The following GDPD4 variants were observed in gnomAD, a reference collection of about 807,000 sequenced individuals.
The protein encoded by GDPD4 is glycerophosphodiester phosphodiesterase domain containing 4, also known as glycerophosphodiester phosphodiesterase 6.
A neutral mutation model predicts 67.8 loss-of-function variants in GDPD4; 60 were observed. The observed-to-expected ratio is 0.88, with a 90% CI of 0.72 to 1.10. GDPD4 has a LOEUF of 1.10. Ranked by LOEUF, GDPD4 falls within the 50% of genes least tolerant of loss-of-function variation. The pLI, the probability that GDPD4 is intolerant of heterozygous loss-of-function variation, is 0.00. For missense variants in GDPD4, 623 were observed against 613.9 expected (o/e 1.01, Z -0.16); for synonymous variants, 212 against 210.9 (o/e 1.00, Z -0.04).
intron 4 of GDPD4, among the ~76,000 whole-genome samples, chr11:77,278,965 T>C (rs1163852790): frequency 1.3e-5 from 2 of 152,182 alleles, no homozygotes; most frequent in South Asian, 2.1e-4. Flanking sequence ...TGAGTAAAGA[T>C]ACTGCTGCTG....
Position 77,271,337 on chromosome 11 carries a change from T to G in GDPD4, c.264A>C (p.Lys88Asn). The change falls in exon 6 of 17, where the codon AAA (lysine) becomes AAC (asparagine). Residue 88 changes from lysine (K) to asparagine (N), a missense_variant. Coordinates refer to ENST00000315938, the MANE Select transcript of GDPD4 (RefSeq NM_182833.3). ...LCVILMFIIC[K>N]FWKERWLVAG... ...CTACCAGCCACCTTTCTTTCCAGAA[T>G]TTGCATATAATGAACATTAAAATGA... 6.2e-7 allele frequency: 1 copy of G among 1,613,996 alleles called. No homozygotes were observed. Among genetic ancestry groups the G allele is most frequent in the Non-Finnish European group, 8.5e-7 (1 of 1,179,896 alleles).
intron 3 of GDPD4, among the ~76,000 whole-genome samples, chr11:77,281,074 T>C (rs149520130): frequency 0.011 from 1,715 of 152,338 alleles, 11 homozygotes; most frequent in Middle Eastern, 0.017. Context: ...TACATCCCTC[T>C]AGCAGCATAA....
Position 77,243,690 on chromosome 11 carries a change from TTACCTTAACCCATTAGGGAACAA to T in GDPD4, c.1222_1241+3del. ...TGCCAAGAGAGGTGTGGTCAAACACTTACCTTAACCCATTAGGGAACAACTTCTTGTAGTCAACATTTATTATA... is the reference window on the plus strand; with the variant it reads ...TGCCAAGAGAGGTGTGGTCAAACACTCTTCTTGTAGTCAACATTTATTATA... On this transcript the variant is annotated splice_donor_variant and splice_donor_region_variant and coding_sequence_variant and intron_variant, in exon 13 of 17. Transcript: ENST00000315938. LOFTEE classifies it high-confidence loss of function. 1 of 1,609,524 alleles carries T rather than the reference TTACCTTAACCCATTAGGGAACAA, an allele frequency of 6.2e-7. No individual in the cohort carries two copies. Among genetic ancestry groups the T allele is most frequent in the African/African-American group, 1.3e-5 (1 of 74,696 alleles).
intron 4 of GDPD4, among the ~76,000 whole-genome samples, chr11:77,277,956 A>C (rs1244911680): frequency 2.6e-5 from 4 of 151,974 alleles, no homozygotes; most frequent in African/African-American, 9.7e-5. Context: ...CGTTGGTTTC[A>C]AAGAACATCT....
At chr11:77,265,609 A>G (rs1959174529) in intron 10 of GDPD4, among the ~76,000 whole-genome samples, 1 of 152,126 alleles carries the variant, frequency 6.6e-6, no homozygotes, top group South Asian at 2.1e-4. Context: ...GGAAACTGAC[A>G]CTGATAAAAT....
intron 10 of GDPD4, among the ~76,000 whole-genome samples, chr11:77,267,118 A>G (rs138426777): frequency 0.013 from 1,953 of 152,172 alleles, 15 homozygotes; most frequent in Middle Eastern, 0.017. Flanking sequence ...TACTTTTCCT[A>G]TGTTTGGATA....
intron 4 of GDPD4, among the ~76,000 whole-genome samples, chr11:77,276,471 A>G (rs1230306577): frequency 1.3e-5 from 2 of 152,178 alleles, no homozygotes; most frequent in African/African-American, 2.4e-5. Flanking sequence ...CCGCAACCTC[A>G]GGAAGAATTC....
chr11:77,296,955 G>A (rs982141776), intron 1 of GDPD4, among the ~76,000 whole-genome samples: 15 of 151,144 alleles, frequency 9.9e-5, no homozygotes, highest in Non-Finnish European at 1.9e-4. Context: ...TCGGGAGGCT[G>A]AGGCAGAAGA....
intron 5 of GDPD4, among the ~76,000 whole-genome samples, chr11:77,272,586 G>A (rs1433810991): frequency 6.6e-6 from 1 of 152,076 alleles, no homozygotes; most frequent in African/African-American, 2.4e-5. Context: ...GATAAGCCTG[G>A]CCAATATGGT....
intron 3 of GDPD4, among the ~76,000 whole-genome samples, chr11:77,280,763 T>C (rs1207704509): frequency 6.6e-6 from 1 of 152,200 alleles, no homozygotes; most frequent in Admixed American, 6.5e-5. Context: ...GTGATTTGGC[T>C]TTTTCTCTCT....
Position 77,217,266 on chromosome 11 carries a change from AATCT to A in GDPD4, c.*7_*10del, listed in dbSNP as rs528202506. 712 of 1,593,496 alleles carry A rather than the reference AATCT, an allele frequency of 4.5e-4. No homozygotes were observed. Among genetic ancestry groups the A allele is most frequent in the African/African-American group, 9.4e-4 (70 of 74,482 alleles). On this transcript the variant is annotated 3_prime_UTR_variant, in exon 17 of 17. Coordinates refer to ENST00000315938, the MANE Select transcript of GDPD4 (RefSeq NM_182833.3). ...ACAGGAGGTTTCATGGCTATGTGCA[AATCT>A]ATCTATCTATCTATCTTCCTCATTC...
At chr11:77,252,980 T>C (rs1591549191) in intron 11 of GDPD4, among the ~76,000 whole-genome samples, 1 of 152,238 alleles carries the variant, frequency 6.6e-6, no homozygotes. Flanking sequence ...TACAATCAAC[T>C]GCCATGGTGC....
chr11:77,273,161 G>T (rs910151080), intron 5 of GDPD4, among the ~76,000 whole-genome samples: 12 of 152,284 alleles, frequency 7.9e-5, no homozygotes, highest in African/African-American at 2.6e-4. Flanking sequence ...ATGTTTACAA[G>T]GAGTTTGGGT....
chr11:77,299,951 A>G (rs1339569053), intron 1 of GDPD4, among the ~76,000 whole-genome samples: 2 of 152,258 alleles, frequency 1.3e-5, no homozygotes, highest in Non-Finnish European at 2.9e-5. Flanking sequence ...ACAAAGAGGG[A>G]CATTTCATAA....
intron 11 of GDPD4, among the ~76,000 whole-genome samples, chr11:77,254,583 GATAA>G (rs776919914): frequency 1.3e-5 from 2 of 152,054 alleles, no homozygotes; most frequent in Non-Finnish European, 2.9e-5. Context: ...TCATTAATGT[GATAA>G]ATAAAACTTG....
chr11:77,250,414 G>T (rs4281503), intron 11 of GDPD4, among the ~76,000 whole-genome samples: 125,947 of 152,184 alleles, frequency 0.83, 52,335 homozygotes, highest in Middle Eastern at 0.87. Context: ...GCAAAAGACA[G>T]GATTTCACTC....
Position 77,269,936 on chromosome 11 carries a change from G to C in GDPD4, c.425C>G (p.Thr142Arg). ...REVRMRRYRMTHSEKKRLKQC... is the reference protein window; with the variant it reads ...REVRMRRYRMRHSEKKRLKQC... ...CTTGAGTCTTTTTTTCTCAGAATGT[G>C]TCATCCTGTATCTTCTCATTCTAAC... Residue 142 changes from threonine to arginine, a missense_variant, in exon 8 of 17, where the codon ACA becomes AGA. Thr to Arg is a moderately conservative substitution (Grantham distance 71). Coordinates refer to ENST00000315938, the MANE Select transcript of GDPD4 (RefSeq NM_182833.3). 6.4e-7 allele frequency: 1 copy of C among 1,574,634 alleles called. No homozygotes were observed.
At chr11:77,222,580 A>G (rs990130157) in intron 16 of GDPD4, among the ~76,000 whole-genome samples, 2 of 152,104 alleles carry the variant, frequency 1.3e-5, no homozygotes, top group Admixed American at 6.6e-5. Flanking sequence ...CTGGCTTGTA[A>G]AGTTTCTGCT....
chr11:77,223,326 T>TA (rs1958263919), intron 16 of GDPD4, among the ~76,000 whole-genome samples: 1 of 152,202 alleles, frequency 6.6e-6, no homozygotes, highest in African/African-American at 2.4e-5. Context: ...TTTGTGGTTT[T>TA]ATCTACCCTT....
Sources: allele counts gnomAD v4.1 joint callset (sites outside exome capture counted in the v4.1 genomes callset), GRCh38; gene constraint gnomAD v4.1.1; transcripts MANE v1.5; gene names NCBI Gene and HGNC (gene_info 2026-07-23, HGNC 2026-07-21).